NRG3: variants seen among roughly 807,000 people sequenced by gnomAD.
NRG3 encodes pro-neuregulin-3, membrane-bound isoform.
A neutral mutation model predicts 66.9 loss-of-function variants in NRG3; 31 were observed. That is an observed-to-expected ratio of 0.46 (90% CI 0.35 to 0.63). The LOEUF is 0.63. Ranked by LOEUF, NRG3 falls within the 20% of genes least tolerant of loss-of-function variation. NRG3 has a pLI of 0.00. For synonymous variants in NRG3, 393 were observed against 359.4 expected, an observed-to-expected ratio of 1.09 and a Z score of -1.06; for missense variants, 910 against 878.9, an observed-to-expected ratio of 1.04 and a Z score of -0.45.
chr10:82,746,312 C>G (rs2058642361), intron 3 of NRG3, among the ~76,000 whole-genome samples: 1 of 152,182 alleles, frequency 6.6e-6, no homozygotes, highest in African/African-American at 2.4e-5. Context: ...CTAACTACAG[C>G]TTCCCTGTTG....
intron 1 of NRG3, among the ~76,000 whole-genome samples, chr10:81,896,114 A>C (rs1843502958): frequency 6.6e-6 from 1 of 152,152 alleles, no homozygotes; most frequent in African/African-American, 2.4e-5. Flanking sequence ...TGAAAATTTA[A>C]ATCCCACAAT....
At chr10:82,255,095 T>C (rs562406590) in intron 1 of NRG3, among the ~76,000 whole-genome samples, 146 of 152,316 alleles carry the variant, frequency 9.6e-4, no homozygotes, top group Non-Finnish European at 1.4e-3. Context: ...GATGCTGATA[T>C]TATGTACCTT....
At chr10:82,867,718 C>T (rs973966544) in intron 4 of NRG3, among the ~76,000 whole-genome samples, 1 of 152,040 alleles carries the variant, frequency 6.6e-6, no homozygotes, top group African/African-American at 2.4e-5. Flanking sequence ...AGGTGTGTTG[C>T]GGAATGTGGA....
intron 2 of NRG3, among the ~76,000 whole-genome samples, chr10:82,403,803 T>G (rs2136079102): frequency 6.6e-6 from 1 of 152,266 alleles, no homozygotes; most frequent in South Asian, 2.1e-4. Flanking sequence ...CCTTCTGGGC[T>G]CATTTCTATA....
chr10:82,372,280 G>A (rs1484385372), intron 2 of NRG3, among the ~76,000 whole-genome samples: 1 of 152,122 alleles, frequency 6.6e-6, no homozygotes, highest in East Asian at 1.9e-4. Context: ...TCAGCTTCAT[G>A]TCATAAATTT....
chr10:81,999,836 G>C (rs1315892636), intron 1 of NRG3, among the ~76,000 whole-genome samples: 1 of 152,158 alleles, frequency 6.6e-6, no homozygotes, highest in African/African-American at 2.4e-5. Flanking sequence ...ATTCATGTGA[G>C]TCCAGTGTAG....
chr10:82,827,106 CTT>C (rs2062255746), intron 3 of NRG3: 1 of 328,180 alleles, frequency 3.0e-6, no homozygotes, highest in Non-Finnish European at 5.8e-6. Flanking sequence ...AAAAATAACT[CTT>C]GATATTGAGA....
At chr10:82,842,604 T>C (rs909786449) in intron 3 of NRG3, among the ~76,000 whole-genome samples, 2 of 152,200 alleles carry the variant, frequency 1.3e-5, no homozygotes, top group African/African-American at 4.8e-5. Flanking sequence ...TTCAATGTTA[T>C]AATCCAAGCA....
At chr10:82,909,636 G>A (rs558819347) in intron 4 of NRG3, among the ~76,000 whole-genome samples, 4 of 152,144 alleles carry the variant, frequency 2.6e-5, no homozygotes, top group African/African-American at 9.7e-5. Context: ...ACCAGCAGTA[G>A]GTTCCTAATG....
intron 1 of NRG3, among the ~76,000 whole-genome samples, chr10:82,065,173 A>G (rs750815219): frequency 2.0e-5 from 3 of 152,142 alleles, no homozygotes; most frequent in Admixed American, 6.5e-5. Context: ...CGTAGGAGAC[A>G]TATTTACGTA....
intron 1 of NRG3, among the ~76,000 whole-genome samples, chr10:81,968,144 T>A (rs759612312): frequency 6.6e-6 from 1 of 152,228 alleles, no homozygotes; most frequent in Non-Finnish European, 1.5e-5. Flanking sequence ...GGGCAGGCTC[T>A]GCTTTTGTTT....
chr10:82,614,659 AAG>A (rs1348946473), intron 2 of NRG3, among the ~76,000 whole-genome samples: 1 of 152,196 alleles, frequency 6.6e-6, no homozygotes, highest in Non-Finnish European at 1.5e-5. Context: ...TAATAGAAGC[AAG>A]ATTCAAATTC....
intron 1 of NRG3, among the ~76,000 whole-genome samples, chr10:81,894,874 C>A (rs878985034): frequency 6.6e-6 from 1 of 152,180 alleles, no homozygotes; most frequent in Non-Finnish European, 1.5e-5. Context: ...CACAAGTCTA[C>A]TGCTGTTCCC....
intron 1 of NRG3, among the ~76,000 whole-genome samples, chr10:82,081,197 C>A (rs540184380): frequency 2.3e-4 from 35 of 152,282 alleles, no homozygotes; most frequent in African/African-American, 8.4e-4. Context: ...GATGGGGCTT[C>A]TGTAAATATG....
chr10:82,387,868 G>T (rs2135929598), intron 2 of NRG3, among the ~76,000 whole-genome samples: 1 of 152,304 alleles, frequency 6.6e-6, no homozygotes, highest in South Asian at 2.1e-4. Context: ...GCTTTGGAAA[G>T]AATGCAGATC....
At chr10:82,007,722 A>G (rs189158069) in intron 1 of NRG3, among the ~76,000 whole-genome samples, 13 of 152,190 alleles carry the variant, frequency 8.5e-5, no homozygotes, top group Non-Finnish European at 2.9e-5. Context: ...TGTAGTAGAT[A>G]TTTTCAATAC....
At chr10:82,006,436 C>G (rs148892244) in intron 1 of NRG3, among the ~76,000 whole-genome samples, 272 of 152,082 alleles carry the variant, frequency 1.8e-3, no homozygotes, top group Non-Finnish European at 2.7e-3. Flanking sequence ...TGTATTTTAT[C>G]TTATAAAAGG....
At chr10:82,168,590 T>C (rs957295120) in intron 1 of NRG3, among the ~76,000 whole-genome samples, 1 of 152,184 alleles carries the variant, frequency 6.6e-6, no homozygotes, top group Non-Finnish European at 1.5e-5. Context: ...GGTTGACATG[T>C]GCAGTCCTCA....
chr10:82,649,626 G>C (rs1300260091), intron 2 of NRG3, among the ~76,000 whole-genome samples: 1 of 151,820 alleles, frequency 6.6e-6, no homozygotes, highest in Non-Finnish European at 1.5e-5. Flanking sequence ...GCTAATTTTT[G>C]TATTTTTAAT....
Sources: allele counts gnomAD v4.1 joint callset (sites outside exome capture counted in the v4.1 genomes callset), GRCh38; gene constraint gnomAD v4.1.1; transcripts MANE v1.5; gene names NCBI Gene and HGNC (gene_info 2026-07-23, HGNC 2026-07-21).